Variants in ZBTB20 observed in about 807,000 individuals in gnomAD.
ZBTB20 encodes the protein zinc finger and BTB domain containing 20, also known as zinc finger and BTB domain-containing protein 20.
ZBTB20 carries 9 observed loss-of-function variants against 56.9 expected under a neutral mutation model. The ratio of observed to expected loss-of-function variants is 0.16; its 90% CI spans 0.10 to 0.28. The LOEUF (loss-of-function observed/expected upper bound fraction) is 0.28, where lower values mean the gene tolerates loss of function less well. ZBTB20 is among the 10% of genes least tolerant of loss of function. The pLI is 1.00. For missense variants in ZBTB20, 655 were observed against 1,003.0 expected (o/e 0.65, Z 4.69); for synonymous variants, 417 against 420.7 (o/e 0.99, Z 0.11).
At chr3:114,708,087 A>G (rs2063827232) in intron 5 of ZBTB20, among the ~76,000 whole-genome samples, 1 of 152,186 alleles carries the variant, frequency 6.6e-6, no homozygotes, top group Non-Finnish European at 1.5e-5. Flanking sequence ...TTTGTTTGTT[A>G]TCCAGGATAA....
Position 114,627,444 on chromosome 3 carries a change from T to C in ZBTB20, c.-295+66084A>G, listed in dbSNP as rs114142554. Among the ~76,000 whole-genome samples, 309 of 152,334 alleles carry C rather than the reference T, an allele frequency of 2.0e-3. 1 individual carries two copies. The highest frequency in any genetic ancestry group is 3.4e-3 in the Middle Eastern group (1 of 294). ...GAGATTATCAGAATACAAGGGTTAA[T>C]AGACGATAATTCTTACATCTTAAGC... On this transcript the variant is annotated intron_variant, in intron 6 of 11. Transcript: ENST00000675478.
chr3:114,928,480 GA>G (rs1197117968), intron 3 of ZBTB20, among the ~76,000 whole-genome samples: 2 of 152,140 alleles, frequency 1.3e-5, no homozygotes, highest in Non-Finnish European at 2.9e-5. Context: ...TTCAATGATG[GA>G]AAGATTCTTG....
chr3:114,397,146 C>T (rs1327841415), intron 7 of ZBTB20, among the ~76,000 whole-genome samples: 1 of 152,136 alleles, frequency 6.6e-6, no homozygotes, highest in Non-Finnish European at 1.5e-5. Flanking sequence ...CTTTTACATT[C>T]ATCAACTGTG....
intron 7 of ZBTB20, among the ~76,000 whole-genome samples, chr3:114,398,360 A>C (rs1383063463): frequency 6.6e-6 from 1 of 152,150 alleles, no homozygotes; most frequent in Non-Finnish European, 1.5e-5. Context: ...ATATAAACAG[A>C]AATGGATGGC....
chr3:115,038,805 T>G (rs2081032109), intron 2 of ZBTB20, among the ~76,000 whole-genome samples: 1 of 152,176 alleles, frequency 6.6e-6, no homozygotes, highest in Admixed American at 6.5e-5. Context: ...TATCAACATT[T>G]GCTTCACACA....
rs565159714 is a variant in ZBTB20, at chr3:114,888,350, A to C, written c.-417+11954T>G. 7.2e-5 allele frequency among the ~76,000 whole-genome samples: 11 copies of C among 152,222 alleles called. No individual in the cohort carries two copies. The South Asian group carries it at 2.1e-3, about 29-fold the overall frequency. ...GATGGGAGGACTGCCTGGGAGGTTG[A>C]GACTGCAGTGAGCCATGATCATGCC... On this transcript the variant is annotated intron_variant, in intron 4 of 11. Transcript: ENST00000675478.
chr3:115,041,303 C>T (rs2081132156), intron 2 of ZBTB20, among the ~76,000 whole-genome samples: 1 of 152,080 alleles, frequency 6.6e-6, no homozygotes, highest in East Asian at 1.9e-4. Flanking sequence ...TCACATTTTA[C>T]AAGGAACGAA....
At chr3:114,719,349 T>C (rs1258388410) in intron 5 of ZBTB20, among the ~76,000 whole-genome samples, 3 of 152,016 alleles carry the variant, frequency 2.0e-5, no homozygotes, top group African/African-American at 7.2e-5. Context: ...GCAATAAAGG[T>C]TTGAACCTCA....
At chr3:114,800,941 C>CA (rs2071658042) in intron 5 of ZBTB20, among the ~76,000 whole-genome samples, 160 bp downstream of exon 5, 1 of 151,364 alleles carries the variant, frequency 6.6e-6, no homozygotes, top group African/African-American at 2.4e-5. Flanking sequence ...ATATTGAGAC[C>CA]AACAACTTTT....
At chr3:114,424,753 C>T (rs1296976459) in intron 7 of ZBTB20, among the ~76,000 whole-genome samples, 5 of 151,966 alleles carry the variant, frequency 3.3e-5, no homozygotes, top group African/African-American at 1.2e-4. Context: ...GGAGGTCTTC[C>T]TAAAGAAAAG....
chr3:114,383,724 C>G, intron 8 of ZBTB20: 1 of 152,206 alleles, frequency 6.6e-6, no homozygotes, highest in Non-Finnish European at 1.5e-5. Context: ...TCTTCGGACT[C>G]CTTTTTCCGG....
At chr3:114,994,079 G>A (rs2078929075) in intron 2 of ZBTB20, among the ~76,000 whole-genome samples, 1 of 151,646 alleles carries the variant, frequency 6.6e-6, no homozygotes, top group South Asian at 2.1e-4. Flanking sequence ...ATTTAAGAAA[G>A]AAAATAGAGG....
intron 6 of ZBTB20, among the ~76,000 whole-genome samples, chr3:114,686,984 A>C (rs1409833725): frequency 1.3e-5 from 2 of 152,180 alleles, no homozygotes; most frequent in African/African-American, 2.4e-5. Context: ...GGATAACTTC[A>C]GTGTAAGGCA....
chr3:114,538,626 G>A (rs890130506), intron 6 of ZBTB20, among the ~76,000 whole-genome samples: 7 of 152,048 alleles, frequency 4.6e-5, no homozygotes, highest in South Asian at 2.1e-4. Context: ...AACCAACCAC[G>A]CAGTTTAAAT....
chr3:114,521,254 G>A (rs1577263129), intron 6 of ZBTB20, among the ~76,000 whole-genome samples: 1 of 152,152 alleles, frequency 6.6e-6, no homozygotes, highest in African/African-American at 2.4e-5. Context: ...AAGAATGAGA[G>A]TTAGGGTCTG....
chr3:114,765,055 T>A (rs1028707366), intron 5 of ZBTB20, among the ~76,000 whole-genome samples: 1 of 152,124 alleles, frequency 6.6e-6, no homozygotes, highest in Non-Finnish European at 1.5e-5. Context: ...GATGGCTCTA[T>A]CTCAGAATGA....
intron 9 of ZBTB20, among the ~76,000 whole-genome samples, 184 bp downstream of exon 9, chr3:114,380,593 A>T (rs1403734587): frequency 6.6e-6 from 1 of 152,088 alleles, no homozygotes; most frequent in Non-Finnish European, 1.5e-5. Flanking sequence ...AACTGGGAAC[A>T]CATGAAAGCA....
At chr3:114,358,885 T>C (rs1380510997) in intron 10 of ZBTB20, among the ~76,000 whole-genome samples, 1 of 152,204 alleles carries the variant, frequency 6.6e-6, no homozygotes, top group Non-Finnish European at 1.5e-5. Flanking sequence ...AAAAGCTGTG[T>C]TTTGCTTTTC....
At position 115,142,961 on chromosome 3, in the gene ZBTB20, G is replaced by A. The variant is rs137861978; in HGVS notation, c.-703+4258C>T. Among the ~76,000 whole-genome samples, 695 of 152,106 alleles carry A rather than the reference G, an allele frequency of 4.6e-3. 6 individuals carry two copies. The highest frequency in any genetic ancestry group is 3.8e-3 in the Non-Finnish European group (256 of 67,980). On this transcript the variant is annotated intron_variant, in intron 1 of 11. Coordinates refer to ENST00000675478, the MANE Select transcript of ZBTB20 (RefSeq NM_001348800.3). ...TATTAAAAAAAGTTATTCCACTTAA[G>A]AACTAAACTTGTATTTGGCTAACAA...
Sources: allele counts gnomAD v4.1 joint callset (sites outside exome capture counted in the v4.1 genomes callset), GRCh38; gene constraint gnomAD v4.1.1; transcripts MANE v1.5; gene names NCBI Gene and HGNC (gene_info 2026-07-23, HGNC 2026-07-21).